RIC1: variants seen among roughly 807,000 people sequenced by gnomAD.
RIC1 encodes RIC1 partner of RAB6A GEF complex, also known as guanine nucleotide exchange factor subunit RIC1.
In RIC1, 88 loss-of-function variants were observed where a neutral mutation model predicts 169.0. The observed-to-expected ratio is 0.52, with a 90% CI of 0.44 to 0.62. RIC1 has a LOEUF of 0.62. Ranked by LOEUF, RIC1 falls within the 20% of genes least tolerant of loss-of-function variation. RIC1 has a pLI of 0.00. For missense variants in RIC1, 1,877 were observed against 1,725.5 expected (o/e 1.09, Z -1.56); for synonymous variants, 790 against 601.5 (o/e 1.31, Z -4.59).
intron 2 of RIC1, among the ~76,000 whole-genome samples, chr9:5,658,003 G>A (rs1378257098): frequency 2.0e-5 from 3 of 152,080 alleles, no homozygotes; most frequent in African/African-American, 7.2e-5. Flanking sequence ...AGTTCTTACA[G>A]CAAGTGTATG....
intron 1 of RIC1, among the ~76,000 whole-genome samples, chr9:5,655,015 C>T (rs577429712): frequency 6.6e-6 from 1 of 152,290 alleles, no homozygotes; most frequent in South Asian, 2.1e-4. Flanking sequence ...TAGATGATCA[C>T]ATTATCTATG....
chr9:5,742,799 A>T, intron 8 of RIC1, 70 bp from the exon 9 acceptor site: 1 of 668,154 alleles, frequency 1.5e-6, no homozygotes, highest in East Asian at 4.3e-5. Context: ...ATTGTATTTG[A>T]AAAAAAAAAA....
At chr9:5,691,126 T>C (rs986277443) in intron 3 of RIC1, among the ~76,000 whole-genome samples, 5 of 152,110 alleles carry the variant, frequency 3.3e-5, no homozygotes, top group East Asian at 1.9e-4. Context: ...CCTTCTCTTA[T>C]AGTGATATGT....
rs1466145760 is a variant in RIC1 at position 5,765,531 on chromosome 9, T to G, written c.2959T>G (p.Ser987Ala). The G allele has an allele frequency of 8.7e-6, 14 of 1,614,072 alleles. 1 individual carries two copies. In the South Asian group the frequency reaches 1.2e-4, roughly 14 times the overall value. The change falls in exon 20 of 26, where the codon TCT (serine) becomes GCT (alanine). Residue 987 changes from serine to alanine, a missense_variant. Transcript: ENST00000414202. ...GATTCGATTTCTTAAAGCCATTGGC[T>G]CTGGAGAATCTGAGACACCTCCATC... ...HMIRFLKAIG[S>A]GESETPPSTP...
chr9:5,743,764 A>T (rs201443026), intron 10 of RIC1, 27 bp downstream of exon 10: 6 of 1,532,966 alleles, frequency 3.9e-6, no homozygotes, highest in Non-Finnish European at 3.5e-6. Context: ...AAAAATTGGC[A>T]TGGTATTAAA....
intron 6 of RIC1, among the ~76,000 whole-genome samples, chr9:5,722,764 G>T: frequency 6.6e-6 from 1 of 151,868 alleles, no homozygotes; most frequent in Non-Finnish European, 1.5e-5. Context: ...GTGTCCAAGT[G>T]TTCTCATTGT....
intron 17 of RIC1, among the ~76,000 whole-genome samples, chr9:5,762,283 T>G (rs1268134903): frequency 6.6e-6 from 1 of 152,204 alleles, no homozygotes; most frequent in African/African-American, 2.4e-5. Flanking sequence ...TTGTCTTAGC[T>G]TTTTCAGGAT....
At chr9:5,687,919 T>TG (rs542507494) in intron 2 of RIC1, among the ~76,000 whole-genome samples, 318 of 152,234 alleles carry the variant, frequency 2.1e-3, no homozygotes, top group Non-Finnish European at 4.0e-3. Flanking sequence ...TTTGGGTTTT[T>TG]TTGTGTGTGT....
At chr9:5,712,715 C>G (rs1295884606) in intron 3 of RIC1, 1 of 152,196 alleles carries the variant, frequency 6.6e-6, no homozygotes, top group African/African-American at 2.4e-5. Flanking sequence ...TCGAAGACAT[C>G]TCAGTAAATC....
Position 5,757,461 on chromosome 9 carries a change from C to G in RIC1, c.1992+10C>G, listed in dbSNP as rs747314475. ...GAAAATGCCACAGCAGGTACCACTC[C>G]ATTATCAAAGGTCTTTGGAGTTTAC... On this transcript the variant is annotated intron_variant, in intron 17 of 25. Transcript: ENST00000414202. 1.4e-5 allele frequency: 23 copies of G among 1,613,570 alleles called. No homozygotes were observed. Among genetic ancestry groups the G allele is most frequent in the Middle Eastern group, 1.6e-4 (1 of 6,084 alleles).
At chr9:5,742,455 C>T (rs1298858184) in intron 8 of RIC1, among the ~76,000 whole-genome samples, 1 of 152,020 alleles carries the variant, frequency 6.6e-6, no homozygotes, top group Non-Finnish European at 1.5e-5. Context: ...AAATTTGCTC[C>T]TTACGTTTTT....
chr9:5,700,390 A>G (rs1039988366), intron 3 of RIC1, among the ~76,000 whole-genome samples: 1 of 152,124 alleles, frequency 6.6e-6, no homozygotes, highest in Admixed American at 6.5e-5. Context: ...AAAAAATCTG[A>G]ATATTTATTT....
intron 1 of RIC1, among the ~76,000 whole-genome samples, chr9:5,636,986 C>G (rs1232338142): frequency 2.6e-5 from 4 of 152,034 alleles, no homozygotes. Context: ...ACGTGTGGCA[C>G]AGCAATTTTT....
chr9:5,688,833 T>G (rs1229561180), intron 2 of RIC1, among the ~76,000 whole-genome samples: 1 of 152,056 alleles, frequency 6.6e-6, no homozygotes. Context: ...CCCTCTAAAA[T>G]GATAGGAATT....
chr9:5,666,495 C>T (rs1819772581), intron 2 of RIC1, among the ~76,000 whole-genome samples: 1 of 151,728 alleles, frequency 6.6e-6, no homozygotes. Flanking sequence ...CAGTCTGTCA[C>T]CATTGAGTAT....
intron 3 of RIC1, among the ~76,000 whole-genome samples, chr9:5,711,882 A>G (rs1026734505): frequency 2.6e-5 from 4 of 152,140 alleles, no homozygotes; most frequent in Admixed American, 1.3e-4. Flanking sequence ...AGCTTCATCT[A>G]TGTCCCTACA....
intron 1 of RIC1, among the ~76,000 whole-genome samples, chr9:5,633,821 C>T (rs144684820): frequency 1.3e-5 from 2 of 152,266 alleles, no homozygotes; most frequent in African/African-American, 4.8e-5. Flanking sequence ...ACGATAGTTA[C>T]TGGGCCATGC....
Position 5,687,537 on chromosome 9 carries a change from A to T in RIC1, c.253-2422A>T, listed in dbSNP as rs1352170762. 2.0e-5 allele frequency among the ~76,000 whole-genome samples: 3 copies of T among 152,196 alleles called. No homozygotes were observed. In the Middle Eastern group the frequency reaches 0.01, roughly 518 times the overall value. ...GCAGCATCCCACAAATTTTGGGATG[A>T]TGTATTTTTAAAATTTCCCTTTTTC... On this transcript the variant is annotated intron_variant, in intron 2 of 25. Transcript: ENST00000414202.
chr9:5,646,592 A>G (rs931223892), intron 1 of RIC1, among the ~76,000 whole-genome samples: 1 of 152,222 alleles, frequency 6.6e-6, no homozygotes. Flanking sequence ...TAGGAGCAAT[A>G]GGGTATACCT....
Sources: gnomAD v4.1 joint callset for allele counts (sites outside exome capture counted in the v4.1 genomes callset) on GRCh38, gnomAD v4.1.1 for gene constraint, MANE v1.5 for transcripts, NCBI Gene and HGNC (gene_info 2026-07-23, HGNC 2026-07-21) for gene names.